Variants in TP53BP1 observed in about 807,000 individuals in gnomAD.
The protein encoded by TP53BP1 is TP53-binding protein 1.
Under a neutral mutation model 200.8 loss-of-function variants are expected in TP53BP1, and 61 were observed. The observed-to-expected ratio is 0.30, with a 90% CI of 0.25 to 0.38. The LOEUF (loss-of-function observed/expected upper bound fraction) is 0.38. Ranked by LOEUF, TP53BP1 falls within the 10% of genes least tolerant of loss-of-function variation. The probability of loss-of-function intolerance (pLI) is 1.00; values close to 1 mark genes in which losing one functional copy is unlikely to be tolerated. For missense variants in TP53BP1, 2,144 were observed against 2,371.9 expected (o/e 0.90, Z 2.00); for synonymous variants, 822 against 844.3 (o/e 0.97, Z 0.46).
At chr15:43,488,670 G>A (rs2079079764) in intron 4 of TP53BP1, among the ~76,000 whole-genome samples, 1 of 152,196 alleles carries the variant, frequency 6.6e-6, no homozygotes, top group South Asian at 2.1e-4. Flanking sequence ...GAGGCAAGTG[G>A]ATCACTTGAG....
At chr15:43,467,005 A>G (rs1012992453) in intron 11 of TP53BP1, among the ~76,000 whole-genome samples, 2 of 152,158 alleles carry the variant, frequency 1.3e-5, no homozygotes, top group African/African-American at 4.8e-5. Context: ...GGTTTTACAC[A>G]TGCTTATTAA....
At chr15:43,480,354 A>G (rs1433423332) in intron 5 of TP53BP1, among the ~76,000 whole-genome samples, 1 of 152,186 alleles carries the variant, frequency 6.6e-6, no homozygotes, top group Non-Finnish European at 1.5e-5. Flanking sequence ...AGGCTGAAGC[A>G]CAAGAATGGC....
At chr15:43,507,487 C>T (rs1343394178) in intron 1 of TP53BP1, among the ~76,000 whole-genome samples, 4 of 152,226 alleles carry the variant, frequency 2.6e-5, no homozygotes, top group Admixed American at 2.0e-4. Flanking sequence ...GTAGTCAAGA[C>T]CCTCCACTGG....
chr15:43,441,546 A>G lies in TP53BP1; in HGVS notation c.3078T>C (p.Ala1026=). ...ATGERKNGST[A]VAESVASPQK... ...GTTACCTGGCAACAGACTCAGCAAC[A>G]GCAGTAGATCCATTTTTTCTTTCAC... Residue 1026 remains alanine, a synonymous_variant, in exon 15 of 28, where the codon GCT becomes GCC. Coordinates refer to ENST00000382044, the MANE Select transcript of TP53BP1 (RefSeq NM_001141980.3). The G allele has an allele frequency of 1.9e-6, 3 of 1,613,508 alleles. No homozygotes were observed. Among genetic ancestry groups the G allele is most frequent in the Non-Finnish European group, 2.5e-6 (3 of 1,179,468 alleles).
chr15:43,407,010 G>C lies in TP53BP1; in HGVS notation c.*373C>G, dbSNP rs1319838774. On this transcript the variant is annotated 3_prime_UTR_variant, in exon 28 of 28. Transcript: ENST00000382044. ...TGGGCCTTCACCTACCTTAAACTGAGTTTCTGCAAGCATAGCATTTTAGAC... is the reference window on the plus strand; with the variant it reads ...TGGGCCTTCACCTACCTTAAACTGACTTTCTGCAAGCATAGCATTTTAGAC... The C allele has an allele frequency of 4.3e-6, 1 of 235,016 alleles. No homozygotes were observed. The highest frequency in any genetic ancestry group is 1.1e-4 in the East Asian group (1 of 9,274). 14.6% of individuals were successfully genotyped at this position (235,016 alleles called of 1,614,324 possible). A position where few individuals can be genotyped will look rare whatever the true frequency, so the allele number is the denominator to read the frequency against.
At chr15:43,490,648 C>T (rs2079108931) in intron 4 of TP53BP1, among the ~76,000 whole-genome samples, 1 of 152,182 alleles carries the variant, frequency 6.6e-6, no homozygotes, top group Non-Finnish European at 1.5e-5. Flanking sequence ...TCTCCTTGGA[C>T]CTTAGAAATA....
chr15:43,446,306 C>G (rs1337256314), intron 14 of TP53BP1, 81 bp downstream of exon 14: 2 of 1,035,364 alleles, frequency 1.9e-6, no homozygotes, highest in Admixed American at 4.3e-5. Flanking sequence ...ATAGAAGTAT[C>G]AATTATTATA....
chr15:43,412,668 T>C (rs1289046487), intron 24 of TP53BP1: 4 of 471,332 alleles, frequency 8.5e-6, no homozygotes, highest in South Asian at 6.2e-5. Context: ...AGAATGAACC[T>C]TACCCTCCAC....
intron 11 of TP53BP1, among the ~76,000 whole-genome samples, chr15:43,464,550 T>C (rs1482853222): frequency 1.3e-5 from 2 of 152,114 alleles, no homozygotes; most frequent in African/African-American, 4.8e-5. Flanking sequence ...CAAACGTCCA[T>C]CAACTGACGA....
chr15:43,491,926 T>C, intron 3 of TP53BP1, 76 bp downstream of exon 3: 1 of 1,250,610 alleles, frequency 8.0e-7, no homozygotes, highest in South Asian at 1.2e-5. Context: ...CACAACCACA[T>C]AAAGTTTAAA....
At chr15:43,468,745 A>G (rs191069033) in intron 11 of TP53BP1, among the ~76,000 whole-genome samples, 118 of 152,324 alleles carry the variant, frequency 7.7e-4, no homozygotes, top group African/African-American at 2.8e-3. Context: ...GACAGTATCA[A>G]TATCCCCATC....
At chr15:43,442,452 T>C (rs1473716687) in intron 14 of TP53BP1, among the ~76,000 whole-genome samples, 1 of 151,848 alleles carries the variant, frequency 6.6e-6, no homozygotes, top group East Asian at 1.9e-4. Flanking sequence ...CTTTCAAACT[T>C]CCTATAAAAG....
intron 18 of TP53BP1, among the ~76,000 whole-genome samples, chr15:43,425,933 C>T (rs1039465673): frequency 2.0e-5 from 3 of 151,760 alleles, no homozygotes; most frequent in African/African-American, 7.3e-5. Context: ...GGCGCGGTGG[C>T]GGGCACCTGT....
chr15:43,483,019 G>A (rs915875015), intron 4 of TP53BP1, among the ~76,000 whole-genome samples: 2 of 152,096 alleles, frequency 1.3e-5, no homozygotes, highest in African/African-American at 4.8e-5. Context: ...AATAAAACAA[G>A]ACAAAAGACA....
intron 4 of TP53BP1, among the ~76,000 whole-genome samples, chr15:43,482,879 G>A (rs1415069185): frequency 3.3e-5 from 5 of 152,036 alleles, no homozygotes; most frequent in East Asian, 1.9e-4. Context: ...GCAGTAAGCC[G>A]AGACTGCCCC....
Position 43,455,976 on chromosome 15 carries a change from T to C in TP53BP1, c.2632A>G (p.Lys878Glu), listed in dbSNP as rs61757243. 1.2e-6 allele frequency: 2 copies of C among 1,614,058 alleles called. No individual in the cohort carries two copies. Among genetic ancestry groups the C allele is most frequent in the Non-Finnish European group, 1.7e-6 (2 of 1,180,044 alleles). Residue 878 changes from lysine to glutamate, a missense_variant, in exon 12 of 28, where the codon AAG becomes GAG. Lys to Glu is a moderately conservative substitution (Grantham distance 56). This residue lies in a region of TP53BP1 where 1,700 missense variants were observed against 1,710.3 expected (regional missense o/e 0.99). Transcript: ENST00000382044. ...GCCTCTGCATCTGAGCTTAGCTGCT[T>C]TGCATTAGCCATTTTTGAGTCTTCT... ...LTEDSKMANA[K>E]QLSSDAEAQK...
intron 12 of TP53BP1, among the ~76,000 whole-genome samples, chr15:43,453,474 G>A (rs907000521): frequency 1.3e-5 from 2 of 151,732 alleles, no homozygotes; most frequent in African/African-American, 2.4e-5. Flanking sequence ...GCCAAAAGAC[G>A]TTAAGAAGAG....
At chr15:43,431,534 C>CA (rs1488248464) in intron 17 of TP53BP1, among the ~76,000 whole-genome samples, 2 of 152,154 alleles carry the variant, frequency 1.3e-5, no homozygotes, top group African/African-American at 4.8e-5. Flanking sequence ...CATGTGCCAC[C>CA]AGGCACAGCC....
At chr15:43,503,492 T>C (rs939541835) in intron 1 of TP53BP1, among the ~76,000 whole-genome samples, 2 of 152,160 alleles carry the variant, frequency 1.3e-5, no homozygotes, top group Non-Finnish European at 2.9e-5. Flanking sequence ...ACTCTGTTTC[T>C]ACTAAAAATA....
Sources: allele counts gnomAD v4.1 joint callset (sites outside exome capture counted in the v4.1 genomes callset), GRCh38; gene constraint gnomAD v4.1.1; regional missense constraint gnomAD v4.1.1; transcripts MANE v1.5; gene names NCBI Gene and HGNC (gene_info 2026-07-23, HGNC 2026-07-21).